Variants in GRB10 observed in about 807,000 individuals in gnomAD.
GRB10 encodes the protein growth factor receptor bound protein 10.
A neutral mutation model predicts 80.9 loss-of-function variants in GRB10; 20 were observed. The ratio of observed to expected loss-of-function variants is 0.25; its 90% CI spans 0.17 to 0.36. The LOEUF is 0.36. Ranked by LOEUF, GRB10 falls within the 10% of genes least tolerant of loss-of-function variation. The pLI is 1.00. For missense variants in GRB10, 548 were observed against 747.7 expected (o/e 0.73, Z 3.12); for synonymous variants, 291 against 291.5 (o/e 1.00, Z 0.02).
chr7:50,768,871 T>C (rs2076666345), intron 2 of GRB10, among the ~76,000 whole-genome samples: 1 of 152,194 alleles, frequency 6.6e-6, no homozygotes, highest in Admixed American at 6.5e-5. Flanking sequence ...CTAGCTATTC[T>C]CAAATCATTG....
At chr7:50,658,539 C>G (rs2058884679) in intron 7 of GRB10, among the ~76,000 whole-genome samples, 1 of 152,142 alleles carries the variant, frequency 6.6e-6, no homozygotes. Flanking sequence ...TAGATGGCCA[C>G]AGGTGGGCAA....
chr7:50,673,976 C>T (rs1390908652), intron 6 of GRB10, among the ~76,000 whole-genome samples: 1 of 152,176 alleles, frequency 6.6e-6, no homozygotes, highest in Non-Finnish European at 1.5e-5. Flanking sequence ...TGTGCCTACC[C>T]CTGAATTAGC....
intron 4 of GRB10, among the ~76,000 whole-genome samples, chr7:50,720,428 G>C (rs1013499023): frequency 1.3e-5 from 2 of 152,042 alleles, no homozygotes; most frequent in Non-Finnish European, 2.9e-5. Flanking sequence ...CTACCTAAGT[G>C]ACCCCCTTTG....
chr7:50,639,219 G>A (rs1209469668), intron 7 of GRB10, among the ~76,000 whole-genome samples: 2 of 152,102 alleles, frequency 1.3e-5, no homozygotes, highest in African/African-American at 4.8e-5. Context: ...TAGCAAACCT[G>A]CACATACACC....
intron 7 of GRB10, among the ~76,000 whole-genome samples, chr7:50,628,179 G>A (rs1170722557): frequency 2.0e-5 from 3 of 152,186 alleles, no homozygotes; most frequent in Non-Finnish European, 2.9e-5. Flanking sequence ...GCTGAAACAC[G>A]TGCGTTCTCT....
intron 1 of GRB10, among the ~76,000 whole-genome samples, chr7:50,789,760 G>T (rs902015730): frequency 1.3e-5 from 2 of 152,014 alleles, no homozygotes; most frequent in African/African-American, 4.8e-5. Context: ...CAGGGGAAAA[G>T]AAAAAATCTC....
At chr7:50,617,957 T>C in intron 10 of GRB10, 114 bp downstream of exon 10, 1 of 928,768 alleles carries the variant, frequency 1.1e-6, no homozygotes, top group Non-Finnish European at 1.8e-6. Flanking sequence ...GAGCCAAGGT[T>C]ATAAATGGTG....
chr7:50,689,131 G>A lies in GRB10; in HGVS notation c.140-14473C>T, dbSNP rs181698817. Among the ~76,000 whole-genome samples the A allele has an allele frequency of 1.1e-4, 16 of 152,240 alleles. No homozygotes were observed. In the East Asian group the frequency reaches 1.5e-3, roughly 15 times the overall value. The stretch of plus-strand genomic sequence containing the variant: ...TAGAGTCACTGGGAGTGCCCCGTCC[G>A]CTCCAAGGTGGGGAAACCATTTTGC... On this transcript the variant is annotated intron_variant, in intron 5 of 18. Coordinates refer to ENST00000401949, the MANE Select transcript of GRB10 (RefSeq NM_001350814.2).
Position 50,591,569 on chromosome 7 carries a change from T to C in GRB10, c.*1383A>G, listed in dbSNP as rs1350466091. 2 of 152,234 alleles carry C rather than the reference T, an allele frequency of 1.3e-5. No homozygotes were observed. Among genetic ancestry groups the C allele is most frequent in the African/African-American group, 4.8e-5 (2 of 41,432 alleles). The allele number at this position is 152,234 out of a possible 1,614,324, so 9.4% of individuals were successfully genotyped here. The stretch of plus-strand genomic sequence containing the variant: ...AATGGCCACTCTCACACCTGATCAC[T>C]AAGCTAAGGGGACGTGGCAAAGGGG... On this transcript the variant is annotated 3_prime_UTR_variant, in exon 19 of 19. Transcript: ENST00000401949.
intron 13 of GRB10, chr7:50,606,852 T>C (rs953989334): frequency 4.4e-6 from 1 of 229,550 alleles, no homozygotes; most frequent in Non-Finnish European, 8.7e-6. Context: ...GAATTATCTG[T>C]GTGGTGTGGA....
chr7:50,787,532 A>G (rs574634234), upstream of GRB10, among the ~76,000 whole-genome samples: 1 of 152,378 alleles, frequency 6.6e-6, no homozygotes, highest in East Asian at 1.9e-4. Context: ...TGTGATATGG[A>G]CAGGCAAGGA....
At chr7:50,620,844 A>G (rs1296004633) in intron 8 of GRB10, among the ~76,000 whole-genome samples, 1 of 152,258 alleles carries the variant, frequency 6.6e-6, no homozygotes, top group Admixed American at 6.5e-5. Context: ...AAAACAAATC[A>G]ATGACTTCTG....
chr7:50,752,732 A>G (rs1263958231), intron 3 of GRB10, among the ~76,000 whole-genome samples: 1 of 152,214 alleles, frequency 6.6e-6, no homozygotes, highest in Admixed American at 6.5e-5. Context: ...GAGCAGGAGA[A>G]CAGAGCTCTT....
chr7:50,762,807 T>C (rs1191805945), intron 2 of GRB10, among the ~76,000 whole-genome samples: 1 of 152,240 alleles, frequency 6.6e-6, no homozygotes. Flanking sequence ...AAAGACCCTA[T>C]AGACAAATCA....
chr7:50,672,853 C>A (rs1007644709), intron 6 of GRB10, among the ~76,000 whole-genome samples: 1 of 152,246 alleles, frequency 6.6e-6, no homozygotes, highest in African/African-American at 2.4e-5. Flanking sequence ...CCAGACTTAA[C>A]TCCTCAGGAG....
chr7:50,692,607 C>T (rs2062958122), intron 5 of GRB10, among the ~76,000 whole-genome samples: 1 of 152,060 alleles, frequency 6.6e-6, no homozygotes, highest in Non-Finnish European at 1.5e-5. Context: ...CTGGAGTCCA[C>T]AAGTCTATTA....
At chr7:50,775,174 C>CAAAAAAAAAAAAAAAAAAAAAAAAAAAA (rs1305513693) in intron 2 of GRB10, among the ~76,000 whole-genome samples, 1 of 71,448 alleles carries the variant, frequency 1.4e-5, no homozygotes, top group Admixed American at 2.1e-4. Flanking sequence ...AAAAAAAAAA[C>CAAAAAAAAAAAAAAAAAAAAAAAAAAAA]AAAAAAAAAC....
In GRB10 at chr7:50,606,347, G is replaced by A. The variant is rs765262357; in HGVS notation, c.1262C>T (p.Ser421Leu). The A allele has an allele frequency of 6.8e-6, 11 of 1,613,614 alleles. No homozygotes were observed. The highest frequency in any genetic ancestry group is 2.2e-5 in the East Asian group (1 of 44,902). ...CCTGGCTTTACTTACCACTGGCGTC[G>A]AGAACGGGGACAGCAAGGCCTTCCT... The part of the protein sequence containing the change: ...QQRKALLSPF[S>L]TPVRSVSENS... The change falls in exon 14 of 19, where the codon TCG (serine) becomes TTG (leucine). Residue 421 changes from serine to leucine, a missense_variant. Transcript: ENST00000401949.
intron 4 of GRB10, among the ~76,000 whole-genome samples, chr7:50,730,967 G>A (rs1389353565): frequency 1.3e-5 from 2 of 152,172 alleles, no homozygotes; most frequent in African/African-American, 2.4e-5. Flanking sequence ...AGGGGTGAAG[G>A]GTGCAGTCGG....
Sources: gnomAD v4.1 joint callset for allele counts (sites outside exome capture counted in the v4.1 genomes callset) on GRCh38, gnomAD v4.1.1 for gene constraint, MANE v1.5 for transcripts, NCBI Gene and HGNC (gene_info 2026-07-23, HGNC 2026-07-21) for gene names.